HDX: variants seen among roughly 807,000 people sequenced by gnomAD.
HDX encodes the protein highly divergent homeobox.
In HDX, 19 loss-of-function variants were observed where a neutral mutation model predicts 45.2. The ratio of observed to expected loss-of-function variants is 0.42; its 90% CI spans 0.29 to 0.62. HDX has a LOEUF of 0.62. HDX is among the 20% of genes least tolerant of loss of function. HDX has a pLI of 0.20. For synonymous variants in HDX, 188 were observed against 172.8 expected, an observed-to-expected ratio of 1.09 and a Z score of -0.69; for missense variants, 532 against 493.9, an observed-to-expected ratio of 1.08 and a Z score of -0.73.
chrX:84,488,342 C>CACAA (rs2040835658), intron 1 of HDX, among the ~76,000 whole-genome samples: 2 of 109,693 alleles, frequency 1.8e-5, no homozygotes, highest in African/African-American at 6.6e-5. Context: ...CACACACACA[C>CACAA]ACACACACAC....
At chrX:84,406,537 C>CTAAG (rs1569321727) in intron 5 of HDX, among the ~76,000 whole-genome samples, 1 of 7,329 alleles carries the variant, frequency 1.4e-4, no homozygotes, top group Non-Finnish European at 1.0e-3. Context: ...CACACACACT[C>CTAAG]TATGTATCTA....
intron 6 of HDX, among the ~76,000 whole-genome samples, chrX:84,354,983 A>G: frequency 1.0e-5 from 1 of 96,084 alleles, no homozygotes; most frequent in Admixed American, 1.2e-4. Flanking sequence ...ACACATACAT[A>G]CACACACGCA....
At chrX:84,348,024 C>T (rs62614255) in intron 6 of HDX, among the ~76,000 whole-genome samples, 49 of 110,953 alleles carry the variant, frequency 4.4e-4, no homozygotes, top group Non-Finnish European at 8.0e-4. Flanking sequence ...GGAAAATTCT[C>T]AGTTATTATG....
intron 1 of HDX, chrX:84,501,465 C>T (rs992274494): frequency 3.6e-5 from 4 of 111,856 alleles, no homozygotes; most frequent in Non-Finnish European, 5.6e-5. Context: ...CTGAGTCTTT[C>T]CAAAGAATTT....
chrX:84,354,966 TATATATAC>T (rs1485996880), intron 6 of HDX, among the ~76,000 whole-genome samples: 9 of 62,840 alleles, frequency 1.4e-4, no homozygotes, highest in African/African-American at 5.1e-4. Context: ...TATATATATA[TATATATAC>T]ACATACATAC....
rs558020111 is a variant in HDX, at chrX:84,436,371, A to G, written c.1305+4161T>C. Among the ~76,000 whole-genome samples, 440 of 108,760 alleles carry G rather than the reference A, an allele frequency of 4.0e-3. 11 individuals carry two copies. The highest frequency in any genetic ancestry group is 0.039 in the Admixed American group (404 of 10,269). The allele number at this position is 108,760 out of a possible 115,157, so 94.4% of individuals were successfully genotyped here. A position where few individuals can be genotyped will look rare whatever the true frequency, so the allele number is the denominator to read the frequency against. ...TGCAGCGCACCAGCATGGCACATGT[A>G]CCCTAAAACTTAAAGTATAATAAAA... On this transcript the variant is annotated intron_variant, in intron 5 of 10. Transcript: ENST00000373177.
chrX:84,459,996 C>T (rs947267807), intron 4 of HDX, among the ~76,000 whole-genome samples: 1 of 111,274 alleles, frequency 9.0e-6, no homozygotes, highest in Non-Finnish European at 1.9e-5. Flanking sequence ...ATTAAAGCAT[C>T]CAAAACCTGA....
At chrX:84,357,648 AAT>A (rs2037519516) in intron 6 of HDX, among the ~76,000 whole-genome samples, 1 of 111,891 alleles carries the variant, frequency 8.9e-6, no homozygotes, top group African/African-American at 3.3e-5. Context: ...GTGAAAAATC[AAT>A]AGACTATGCC....
At chrX:84,402,706 G>A (rs1436880827) in intron 5 of HDX, among the ~76,000 whole-genome samples, 1 of 111,629 alleles carries the variant, frequency 9.0e-6, no homozygotes, top group Admixed American at 9.6e-5. Context: ...ACCTAAGAAT[G>A]TAATTGCTGA....
chrX:84,386,171 G>T (rs2038316927), intron 5 of HDX, among the ~76,000 whole-genome samples: 1 of 111,384 alleles, frequency 9.0e-6, no homozygotes, highest in South Asian at 3.7e-4. Context: ...ATTTATGTAT[G>T]TTGAGTCAAA....
At chrX:84,338,103 C>T (rs1278860740) in intron 7 of HDX, among the ~76,000 whole-genome samples, 2 of 110,903 alleles carry the variant, frequency 1.8e-5, no homozygotes, top group African/African-American at 3.3e-5. Flanking sequence ...TCAGCCCTCA[C>T]GAATTTTTCG....
At chrX:84,426,583 T>G (rs777071895) in intron 5 of HDX, among the ~76,000 whole-genome samples, 1 of 111,091 alleles carries the variant, frequency 9.0e-6, no homozygotes, top group South Asian at 3.8e-4. Flanking sequence ...TCACTTATAT[T>G]TGGAATCTTA....
At chrX:84,417,150 AAAAG>A (rs59777893) in intron 5 of HDX, among the ~76,000 whole-genome samples, 15 of 106,102 alleles carry the variant, frequency 1.4e-4, no homozygotes, top group South Asian at 4.4e-4. Flanking sequence ...CGAGACTCCA[AAAAG>A]AAAGAAAGAA....
At chrX:84,443,362 A>G (rs1237031443) in intron 4 of HDX, among the ~76,000 whole-genome samples, 10 of 111,808 alleles carry the variant, frequency 8.9e-5, no homozygotes, top group Non-Finnish European at 1.1e-4. Context: ...CTTAAATGAT[A>G]TTTCAATTCC....
At chrX:84,335,020 A>G (rs963981760) in intron 8 of HDX, among the ~76,000 whole-genome samples, 1 of 111,245 alleles carries the variant, frequency 9.0e-6, no homozygotes, top group African/African-American at 3.3e-5. Flanking sequence ...TATTTAATAT[A>G]TTGCGTATGA....
chrX:84,348,294 T>C (rs1455525558), intron 6 of HDX, among the ~76,000 whole-genome samples: 1 of 111,894 alleles, frequency 8.9e-6, no homozygotes, highest in African/African-American at 3.2e-5. Flanking sequence ...TTACTGTTTT[T>C]GGTCTCTAGC....
At chrX:84,477,107 T>G (rs141687163) in intron 2 of HDX, among the ~76,000 whole-genome samples, 1,144 of 111,720 alleles carry the variant, frequency 0.01, 23 homozygotes, top group African/African-American at 0.036. Context: ...TTGGGGTTTC[T>G]TTTCCTAAAT....
intron 6 of HDX, among the ~76,000 whole-genome samples, chrX:84,351,163 G>A (rs2037349110): frequency 9.1e-6 from 1 of 110,192 alleles, no homozygotes; most frequent in Non-Finnish European, 1.9e-5. Context: ...GGGTGGAGTT[G>A]GGAGCCCAGG....
At chrX:84,351,934 A>C (rs1602293735) in intron 6 of HDX, among the ~76,000 whole-genome samples, 1 of 111,993 alleles carries the variant, frequency 8.9e-6, no homozygotes, top group Admixed American at 9.5e-5. Flanking sequence ...ACTTTATATG[A>C]CTCGAATTTG....
Sources: allele counts gnomAD v4.1 joint callset (sites outside exome capture counted in the v4.1 genomes callset), GRCh38; gene constraint gnomAD v4.1.1; transcripts MANE v1.5; gene names NCBI Gene and HGNC (gene_info 2026-07-23, HGNC 2026-07-21).